Variants in BTD observed in about 807,000 individuals in gnomAD.
The protein encoded by BTD is biocytinase.
A neutral mutation model predicts 17.7 loss-of-function variants in BTD; 13 were observed. That is an observed-to-expected ratio of 0.74 (90% CI 0.48 to 1.17). BTD has a LOEUF of 1.17. Ranked by LOEUF, BTD falls within the 50% of genes most tolerant of loss-of-function variation. The pLI is 0.00. For synonymous variants in BTD, 240 were observed against 245.2 expected (o/e 0.98, Z 0.20); for missense variants, 674 against 650.4 (o/e 1.04, Z -0.39).
chr3:15,620,329 A>G (rs1217980950), intron 1 of BTD, among the ~76,000 whole-genome samples: 2 of 152,124 alleles, frequency 1.3e-5, no homozygotes, highest in African/African-American at 4.8e-5. Flanking sequence ...ACCTCCCCCC[A>G]GGAGCGCATT....
At chr3:15,716,641 A>G (rs780818813), downstream of BTD, among the ~76,000 whole-genome samples, 12 of 152,130 alleles carry the variant, frequency 7.9e-5, no homozygotes, top group Non-Finnish European at 1.8e-4. Context: ...GATAAGAAGG[A>G]TAAGAAAAAC....
rs183070403 is a variant in BTD, at chr3:15,636,961, C to T, written c.249+1273C>T. Reference sequence around the variant, plus strand: ...TTGAACACCTTCAGTGGCTCAGACTCACAGGTCCGTTTGTTCCAATGGTGG... The same window carrying T: ...TTGAACACCTTCAGTGGCTCAGACTTACAGGTCCGTTTGTTCCAATGGTGG... On this transcript the variant is annotated intron_variant, in intron 2 of 3. Transcript: ENST00000643237. Among the ~76,000 whole-genome samples, 412 of 152,150 alleles carry T rather than the reference C, an allele frequency of 2.7e-3. 1 individual carries two copies. Among genetic ancestry groups the T allele is most frequent in the African/African-American group, 9.6e-3 (398 of 41,490 alleles).
Position 15,644,335 on chromosome 3 carries a change from G to C in BTD, c.419G>C (p.Cys140Ser), listed in dbSNP as rs745343884. ...CTCTAGGTGCTCCAGCGCCTGAGTT[G>C]TATGGCCATCAGGGGAGATATGTTC... ...NDTEVLQRLS[C>S]MAIRGDMFLV... Residue 140 changes from cysteine (C) to serine (S), a missense_variant, in exon 4 of 4, where the codon TGT (cysteine) becomes TCT (serine). Physicochemically the swap from Cys to Ser is moderately radical, Grantham distance 112. Coordinates refer to ENST00000643237, the MANE Select transcript of BTD (RefSeq NM_001370658.1). 6 of 1,613,794 alleles carry C rather than the reference G, an allele frequency of 3.7e-6. No homozygotes were observed. Among genetic ancestry groups the C allele is most frequent in the South Asian group, 1.1e-5 (1 of 91,034 alleles).
chr3:15,697,039 T>C (rs1467884147), intron 3 of BTD, among the ~76,000 whole-genome samples: 1 of 152,160 alleles, frequency 6.6e-6, no homozygotes, highest in African/African-American at 2.4e-5. Context: ...AACAAGTCTA[T>C]TTAGGCTATC....
At chr3:15,714,424 T>G (rs2072735937), downstream of BTD, among the ~76,000 whole-genome samples, 1 of 151,848 alleles carries the variant, frequency 6.6e-6, no homozygotes, top group South Asian at 2.1e-4. Flanking sequence ...TTTTATACTC[T>G]TTAATATTTT....
Position 15,652,425 on chromosome 3 carries a change from A to G in BTD, c.*6937A>G, listed in dbSNP as rs1575037285. ...CAGTTGCCATCTCCCAAGGATCCCT[A>G]TGGACAGACCCATTTGGCAAGGAAC... On this transcript the variant is annotated 3_prime_UTR_variant, in exon 4 of 4. Coordinates refer to ENST00000643237, the MANE Select transcript of BTD (RefSeq NM_001370658.1). Among the ~76,000 whole-genome samples the G allele has an allele frequency of 8.3e-6, 1 of 120,066 alleles. No individual in the cohort carries two copies. Among genetic ancestry groups the G allele is most frequent in the Admixed American group, 8.4e-5 (1 of 11,972 alleles). The allele number at this position is 120,066 out of a possible 152,430, so 78.8% of individuals were successfully genotyped here.
Position 15,635,301 on chromosome 3 carries a change from T to C in BTD, c.-16-123T>C. The C allele has an allele frequency of 7.0e-7, 1 of 1,431,512 alleles. No homozygotes were observed. Among genetic ancestry groups the C allele is most frequent in the Non-Finnish European group, 9.8e-7 (1 of 1,025,092 alleles). The allele number at this position is 1,431,512 out of a possible 1,614,324, so 88.7% of individuals were successfully genotyped here. A position where few individuals can be genotyped will look rare whatever the true frequency, so the allele number is the denominator to read the frequency against. ...TTATTAGGAACATGAAACAAACTCTTTGAGCCGCAGTATCACTGCGAGTGA... is the reference window on the plus strand; with the variant it reads ...TTATTAGGAACATGAAACAAACTCTCTGAGCCGCAGTATCACTGCGAGTGA... On this transcript the variant is annotated intron_variant, in intron 1 of 3. Transcript: ENST00000643237. The surrounding 1 kb of genome is among the most constrained non-coding windows in gnomAD (Gnocchi z 4.1).
chr3:15,650,657 G>A lies in BTD; in HGVS notation c.*5169G>A, dbSNP rs2065787283. ...ATCTGCCCCTCTCAGCAGCTCTAGA[G>A]AAGAAGCTCCTCTTTTTACACAGTC... On this transcript the variant is annotated 3_prime_UTR_variant, in exon 4 of 4. Transcript: ENST00000643237. Among the ~76,000 whole-genome samples, 1 of 152,194 alleles carries A rather than the reference G, an allele frequency of 6.6e-6. No individual in the cohort carries two copies. The highest frequency in any genetic ancestry group is 2.1e-4 in the South Asian group (1 of 4,832).
chr3:15,683,392 T>A (rs1273272208), intron 3 of BTD, among the ~76,000 whole-genome samples: 2 of 152,196 alleles, frequency 1.3e-5, no homozygotes, highest in Admixed American at 1.3e-4. Context: ...TCTTCTTTGT[T>A]CTAGTATGAG....
chr3:15,618,119 C>T (rs1041489657), intron 1 of BTD, among the ~76,000 whole-genome samples: 7 of 152,204 alleles, frequency 4.6e-5, no homozygotes, highest in Admixed American at 3.3e-4. Flanking sequence ...CCTTGCCCAG[C>T]TAACTTAATT....
intron 1 of BTD, among the ~76,000 whole-genome samples, chr3:15,624,740 T>C (rs142111463): frequency 6.6e-6 from 1 of 152,328 alleles, no homozygotes; most frequent in Non-Finnish European, 1.5e-5. Flanking sequence ...GGAGGTTTTT[T>C]GAGACAAAGT....
chr3:15,713,603 G>A (rs766735079), downstream of BTD: 3 of 1,609,810 alleles, frequency 1.9e-6, no homozygotes, highest in Middle Eastern at 1.7e-4. Flanking sequence ...ATGTGCAAAG[G>A]GGTATTTCCA....
intron 3 of BTD, chr3:15,668,505 G>A (rs1281597058): frequency 1.3e-5 from 2 of 152,258 alleles, no homozygotes; most frequent in Admixed American, 1.3e-4. Context: ...TATAATTTCT[G>A]TAAATATTTT....
Position 15,648,858 on chromosome 3 carries a change from A to G in BTD, c.*3370A>G, listed in dbSNP as rs890587854. On this transcript the variant is annotated 3_prime_UTR_variant, in exon 4 of 4. Coordinates refer to ENST00000643237, the MANE Select transcript of BTD (RefSeq NM_001370658.1). ...AAGACACACACACAGGGAGAAGATG[A>G]CCATGTGACAACAGGGGCAGAGATC... 3.9e-5 allele frequency among the ~76,000 whole-genome samples: 6 copies of G among 152,280 alleles called. No homozygotes were observed. The highest frequency in any genetic ancestry group is 1.4e-4 in the African/African-American group (6 of 41,572).
intron 3 of BTD, among the ~76,000 whole-genome samples, chr3:15,688,507 A>G (rs1363914175): frequency 6.6e-6 from 1 of 152,226 alleles, no homozygotes; most frequent in African/African-American, 2.4e-5. Context: ...CAAACCATAT[A>G]GTAGTGTATA....
At chr3:15,656,153 T>A (rs1413096073), downstream of BTD, among the ~76,000 whole-genome samples, 1 of 152,224 alleles carries the variant, frequency 6.6e-6, no homozygotes, top group Non-Finnish European at 1.5e-5. Flanking sequence ...TCTGAGTTTC[T>A]CTTTAAAGAT....
chr3:15,611,041 T>C (rs997291161), intron 1 of BTD, among the ~76,000 whole-genome samples: 1 of 152,162 alleles, frequency 6.6e-6, no homozygotes, highest in African/African-American at 2.4e-5. Context: ...AGCGTAAGTA[T>C]GTTCCAACAT....
chr3:15,601,394 G>A (rs1331061773), upstream of BTD: 18 of 1,614,044 alleles, frequency 1.1e-5, no homozygotes, highest in Non-Finnish European at 1.5e-5. Context: ...TGCGTTTTCA[G>A]GGCCTGAGCG....
intron 1 of BTD, among the ~76,000 whole-genome samples, chr3:15,615,892 T>C (rs1446994376): frequency 1.3e-5 from 2 of 152,266 alleles, no homozygotes; most frequent in East Asian, 3.8e-4. Flanking sequence ...CATATTGGAA[T>C]CATACAGTAT....
Sources: allele counts gnomAD v4.1 joint callset (sites outside exome capture counted in the v4.1 genomes callset), GRCh38; gene constraint gnomAD v4.1.1; non-coding constraint Gnocchi (gnomAD v3.1); transcripts MANE v1.5; gene names NCBI Gene and HGNC (gene_info 2026-07-23, HGNC 2026-07-21).